NOTCH1: variants seen among roughly 807,000 people sequenced by gnomAD.
The protein encoded by NOTCH1 is notch receptor 1, also known as neurogenic locus notch homolog protein 1.
A neutral mutation model predicts 254.8 loss-of-function variants in NOTCH1; 37 were observed. The observed-to-expected ratio is 0.15, with a 90% CI of 0.11 to 0.19. NOTCH1 has a LOEUF of 0.19. Ranked by LOEUF, NOTCH1 falls within the 10% of genes least tolerant of loss-of-function variation. The pLI is 1.00. For missense variants in NOTCH1, 2,972 were observed against 3,708.6 expected, an observed-to-expected ratio of 0.80 and a Z score of 5.16; for synonymous variants, 1,731 against 1,618.1, an observed-to-expected ratio of 1.07 and a Z score of -1.68.
intron 4 of NOTCH1, among the ~76,000 whole-genome samples, chr9:136,521,857 G>A (rs1300597310): frequency 1.3e-5 from 2 of 152,156 alleles, no homozygotes; most frequent in South Asian, 2.1e-4. Context: ...TGGGCCACCC[G>A]TGGGTCAGCC....
At position 136,496,056 on chromosome 9, in the gene NOTCH1, C is replaced by A. The variant is rs573708450; in HGVS notation, c.*15G>T. 1 of 1,591,866 alleles carries A rather than the reference C, an allele frequency of 6.3e-7. No individual in the cohort carries two copies. Among genetic ancestry groups the A allele is most frequent in the Non-Finnish European group, 8.5e-7 (1 of 1,176,348 alleles). ...GGCTTGGGAAAGGAAGCCGGGGTCTCGTGGGGCGCGCCGTTTACTTGAAGG... is the reference window on the plus strand; with the variant it reads ...GGCTTGGGAAAGGAAGCCGGGGTCTAGTGGGGCGCGCCGTTTACTTGAAGG... On this transcript the variant is annotated 3_prime_UTR_variant, in exon 34 of 34. Transcript: ENST00000651671.
intron 4 of NOTCH1, among the ~76,000 whole-genome samples, chr9:136,520,242 G>C (rs564881061): frequency 1.4e-4 from 22 of 152,142 alleles, no homozygotes; most frequent in Non-Finnish European, 2.5e-4. Flanking sequence ...ACCTGCAGCC[G>C]GTTACTAATT....
At chr9:136,516,437 G>A (rs1033691469) in intron 9 of NOTCH1, among the ~76,000 whole-genome samples, 3 of 152,198 alleles carry the variant, frequency 2.0e-5, no homozygotes, top group African/African-American at 4.8e-5. Flanking sequence ...GGCTGGCAAC[G>A]CCTCCCTGGG....
rs552263000 is a variant in NOTCH1 at position 136,499,017 on chromosome 9, G to C, written c.6083-21C>G. ...CTTGCCTGCGTGAAAGAAGCAGATG[G>C]GGTAGGTTGGAGACCAGCTGGAGGC... On this transcript the variant is annotated intron_variant, in intron 32 of 33. Transcript: ENST00000651671. 2.2e-5 allele frequency: 36 copies of C among 1,613,022 alleles called. No individual in the cohort carries two copies. The South Asian group carries it at 3.8e-4, about 17-fold the overall frequency.
At chr9:136,520,684 G>A (rs1024822199) in intron 4 of NOTCH1, among the ~76,000 whole-genome samples, 3 of 151,858 alleles carry the variant, frequency 2.0e-5, no homozygotes, top group Admixed American at 6.6e-5. Flanking sequence ...GCTGCAGTGA[G>A]CTGAGGGCAC....
At chr9:136,527,759 G>A (rs1589075200) in intron 2 of NOTCH1, among the ~76,000 whole-genome samples, 1 of 152,184 alleles carries the variant, frequency 6.6e-6, no homozygotes. Flanking sequence ...CCCACGCTCA[G>A]TGGCCTGGCG....
chr9:136,515,949 G>C (rs2133364919), intron 10 of NOTCH1, 32 bp downstream of exon 10: 1 of 1,556,038 alleles, frequency 6.4e-7, no homozygotes, highest in East Asian at 2.2e-5. Flanking sequence ...CCCGTCCCCA[G>C]TCCCTCCCCG....
At position 136,515,687 on chromosome 9, in the gene NOTCH1, T is replaced by C. The variant is rs369067940; in HGVS notation, c.1699A>G (p.Ile567Val). 1.0e-4 allele frequency: 160 copies of C among 1,552,646 alleles called. 1 individual carries two copies. The East Asian group carries it at 1.4e-3, about 14-fold the overall frequency. The change falls in exon 11 of 34, where the codon ATC (isoleucine) becomes GTC (valine). Residue 567 changes from isoleucine (I) to valine (V), a missense_variant. Physicochemically the swap from Ile to Val is conservative, Grantham distance 29 (BLOSUM62 3). Around this residue, in one of 8 missense-constraint regions of NOTCH1, gnomAD observed 128 missense variants for 193.8 expected, o/e 0.66. Transcript: ENST00000651671. ...GYTGTHCEVD[I>V]DECDPDPCHY... ...CAGGGGTCGGGGTCGCACTCATCGA[T>C]GTCCACCTCGCAGTGCGTCCCCGTG... is the stretch of plus-strand genomic sequence containing the variant.
At chr9:136,518,942 C>A in intron 5 of NOTCH1, 118 bp from the exon 6 acceptor site, 2 of 791,352 alleles carry the variant, frequency 2.5e-6, no homozygotes, top group Middle Eastern at 2.4e-4. Flanking sequence ...CTGACTCCTC[C>A]ACCCACCGCC....
At chr9:136,514,760 C>G in intron 12 of NOTCH1, 58 bp from the exon 13 acceptor site, 1 of 1,536,754 alleles carries the variant, frequency 6.5e-7, no homozygotes, top group Non-Finnish European at 8.9e-7. Context: ...CCACCCACGT[C>G]AACCTCGATT....
In NOTCH1 at chr9:136,497,379, G is replaced by A. The variant is rs2133318965; in HGVS notation, c.6360C>T (p.Arg2120=). The A allele has an allele frequency of 1.9e-6, 3 of 1,609,066 alleles. No homozygotes were observed. The highest frequency in any genetic ancestry group is 1.7e-6 in the Non-Finnish European group (2 of 1,179,662). ...GCGGGGCTCCGTGCAGCTGCGGGCTGCGCACCAGGTTGTACTCGTCCAGCA... is the reference window on the plus strand; with the variant it reads ...GCGGGGCTCCGTGCAGCTGCGGGCTACGCACCAGGTTGTACTCGTCCAGCA... ...VRLLDEYNLV[R]SPQLHGAPLG... Residue 2120 remains arginine (R), a synonymous_variant, in exon 34 of 34, where the codon CGC becomes CGT. Transcript: ENST00000651671.
chr9:136,508,471 T>G, intron 19 of NOTCH1, 86 bp from the exon 20 acceptor site: 1 of 1,580,502 alleles, frequency 6.3e-7, no homozygotes, highest in Non-Finnish European at 8.6e-7. Context: ...AGGGGCCTAC[T>G]CCAACCCAGG....
intron 2 of NOTCH1, chr9:136,543,501 G>A: frequency 3.3e-6 from 1 of 306,492 alleles, no homozygotes. Context: ...GCACCCAGAG[G>A]AGGCATCACC....
rs762633284 is a variant in NOTCH1 at position 136,513,017 on chromosome 9, TC to T, written c.2467+3del. The T allele has an allele frequency of 9.3e-6, 4 of 431,600 alleles. No homozygotes were observed. The highest frequency in any genetic ancestry group is 1.4e-5 in the Non-Finnish European group (4 of 289,684). 26.7% of individuals were successfully genotyped at this position (431,600 alleles called of 1,614,324 possible). ...CTCCAGCACAGGCCCCACCCACCCCTCACCTGTGTAGGGCAGCAGGCAGTTG... is the reference window on the plus strand; with the variant it reads ...CTCCAGCACAGGCCCCACCCACCCCTACCTGTGTAGGGCAGCAGGCAGTTG... On this transcript the variant is annotated splice_donor_region_variant and intron_variant, in intron 15 of 33. Coordinates refer to ENST00000651671, the MANE Select transcript of NOTCH1 (RefSeq NM_017617.5). This position sits in a 1 kb window ranked among gnomAD's most constrained non-coding sequence, Gnocchi z 4.7.
intron 33 of NOTCH1, among the ~76,000 whole-genome samples, chr9:136,498,246 G>A (rs1311640116): frequency 2.6e-5 from 4 of 151,022 alleles, no homozygotes; most frequent in African/African-American, 7.3e-5. Context: ...GGGGGCGGGG[G>A]TGGGGGTTCT....
rs771318379 is a variant in NOTCH1 at position 136,496,327 on chromosome 9, G to C, written c.7412C>G (p.Ser2471Trp). The C allele has an allele frequency of 6.3e-7, 1 of 1,594,390 alleles. No homozygotes were observed. The highest frequency in any genetic ancestry group is 8.5e-7 in the Non-Finnish European group (1 of 1,171,088). ...GGCTGCGGTCACGGGTGGGACCAGC[G>C]AGGATGGCAGCGACGTGGGCAGGGC... ...SPALPTSLPS[S>W]LVPPVTAAQF... The change falls in exon 34 of 34, where the codon TCG becomes TGG. Residue 2471 changes from serine (S) to tryptophan (W), a missense_variant. This residue lies in a region of NOTCH1 where 85 missense variants were observed against 126.1 expected (regional missense o/e 0.67). Coordinates refer to ENST00000651671, the MANE Select transcript of NOTCH1 (RefSeq NM_017617.5).
intron 2 of NOTCH1, among the ~76,000 whole-genome samples, chr9:136,535,194 C>T (rs1389717199): frequency 6.6e-6 from 1 of 151,898 alleles, no homozygotes; most frequent in Non-Finnish European, 1.5e-5. Flanking sequence ...GCTGAGGACT[C>T]GGAGGATGGG....
At chr9:136,521,494 T>C (rs995066707) in intron 4 of NOTCH1, among the ~76,000 whole-genome samples, 2 of 152,130 alleles carry the variant, frequency 1.3e-5, no homozygotes, top group African/African-American at 4.8e-5. Context: ...GCATCAGCTC[T>C]GCACACAGGT....
rs764897579 is a variant in NOTCH1 at position 136,504,765 on chromosome 9, G to A, written c.4926C>T (p.Asp1642=). The A allele has an allele frequency of 6.5e-6, 10 of 1,550,158 alleles. No homozygotes were observed. The highest frequency in any genetic ancestry group is 2.0e-5 in the Admixed American group (1 of 51,104). The change falls in exon 26 of 34, where the codon GAC becomes GAT. Residue 1642 remains aspartate (D), a synonymous_variant. Transcript: ENST00000651671. Reference sequence around the variant, plus strand: ...AGGCCTTCACCTGGCCCAGCAGGGCGTCAGGTGCGGCCCAGCCCTCGGCGG... The same window carrying A: ...AGGCCTTCACCTGGCCCAGCAGGGCATCAGGTGCGGCCCAGCCCTCGGCGG... The part of the protein sequence containing the change: ...KRAAEGWAAP[D]ALLGQVKASL...
Sources: allele counts gnomAD v4.1 joint callset (sites outside exome capture counted in the v4.1 genomes callset), GRCh38; gene constraint gnomAD v4.1.1; regional missense constraint gnomAD v4.1.1; non-coding constraint Gnocchi (gnomAD v3.1); transcripts MANE v1.5; gene names NCBI Gene and HGNC (gene_info 2026-07-23, HGNC 2026-07-21).